CACNA2D3: variants seen among roughly 807,000 people sequenced by gnomAD.
CACNA2D3 encodes calcium voltage-gated channel auxiliary subunit alpha2delta 3, also known as voltage-dependent calcium channel subunit alpha-2/delta-3.
In CACNA2D3, 60 loss-of-function variants were observed where a neutral mutation model predicts 160.6. The observed-to-expected ratio is 0.37, with a 90% CI of 0.30 to 0.46. The LOEUF is 0.46. CACNA2D3 is among the 20% of genes least tolerant of loss of function. The probability of loss-of-function intolerance (pLI) is 1.00; values close to 1 mark genes in which losing one functional copy is unlikely to be tolerated. For missense variants in CACNA2D3, 1,205 were observed against 1,365.0 expected, an observed-to-expected ratio of 0.88 and a Z score of 1.85; for synonymous variants, 558 against 492.9, an observed-to-expected ratio of 1.13 and a Z score of -1.75.
chr3:54,359,027 C>T (rs974239338), intron 3 of CACNA2D3, among the ~76,000 whole-genome samples: 3 of 151,710 alleles, frequency 2.0e-5, no homozygotes, highest in African/African-American at 4.8e-5. Context: ...ATATAAGGTA[C>T]GGGGAGAGAT....
intron 29 of CACNA2D3, among the ~76,000 whole-genome samples, chr3:54,979,521 C>T (rs1015638230): frequency 6.6e-6 from 1 of 152,186 alleles, no homozygotes; most frequent in Non-Finnish European, 1.5e-5. Context: ...GTATAGTTTA[C>T]TCAATTGTTA....
At chr3:54,224,986 G>A (rs73087951) in intron 2 of CACNA2D3, among the ~76,000 whole-genome samples, 48,609 of 146,196 alleles carry the variant, frequency 0.33, 8,569 homozygotes, top group East Asian at 0.58. Context: ...TAAGTTCTAG[G>A]GTACATGCGC....
chr3:54,721,149 C>A (rs1243539843), intron 11 of CACNA2D3, among the ~76,000 whole-genome samples: 2 of 152,000 alleles, frequency 1.3e-5, no homozygotes, highest in African/African-American at 4.8e-5. Context: ...ATTATATTAG[C>A]ACTTTTCCCA....
chr3:54,944,353 A>G (rs1381705270), intron 27 of CACNA2D3, among the ~76,000 whole-genome samples: 2 of 151,600 alleles, frequency 1.3e-5, no homozygotes, highest in Non-Finnish European at 2.9e-5. Context: ...CTACTTTTAA[A>G]TTCATTTGTA....
chr3:54,763,107 G>A (rs34806640), intron 12 of CACNA2D3, among the ~76,000 whole-genome samples: 35,149 of 141,882 alleles, frequency 0.25, 4,525 homozygotes, highest in Admixed American at 0.3. Flanking sequence ...AAAAAAGAAA[G>A]AAAAAGAAAT....
intron 36 of CACNA2D3, 81 bp downstream of exon 36, chr3:55,073,638 T>A: frequency 7.7e-7 from 1 of 1,301,568 alleles, no homozygotes; most frequent in Non-Finnish European, 1.1e-6. Flanking sequence ...GGGGGAGAAA[T>A]ATTAGAGAAG....
rs150139454 is a variant in CACNA2D3 at position 54,479,620 on chromosome 3, C to T, written c.382-23872C>T. On this transcript the variant is annotated intron_variant, in intron 4 of 37. Coordinates refer to ENST00000474759, the MANE Select transcript of CACNA2D3 (RefSeq NM_018398.3). ...GGCAGTGGCTCCCACCTTTTTCTCC[C>T]TCCCTTCTTGGAGACATCAGAAACC... Among the ~76,000 whole-genome samples the T allele has an allele frequency of 5.3e-3, 811 of 152,248 alleles. 1 individual carries two copies. Among genetic ancestry groups the T allele is most frequent in the Non-Finnish European group, 8.8e-3 (596 of 68,018 alleles).
At chr3:54,360,513 C>T (rs566261389) in intron 3 of CACNA2D3, among the ~76,000 whole-genome samples, 1 of 152,268 alleles carries the variant, frequency 6.6e-6, no homozygotes, top group Admixed American at 6.5e-5. Flanking sequence ...TGGCAGGACT[C>T]AGGCTGCAGG....
chr3:54,473,653 C>T (rs1373223667), intron 4 of CACNA2D3, among the ~76,000 whole-genome samples: 2 of 152,118 alleles, frequency 1.3e-5, no homozygotes, highest in East Asian at 1.9e-4. Flanking sequence ...GGACTAATAT[C>T]CAGAATCTAC....
At chr3:54,845,860 C>T (rs1698919986) in intron 16 of CACNA2D3, among the ~76,000 whole-genome samples, 1 of 152,152 alleles carries the variant, frequency 6.6e-6, no homozygotes, top group African/African-American at 2.4e-5. Context: ...TTGCCAGGCT[C>T]CTGTGTAGGC....
intron 2 of CACNA2D3, among the ~76,000 whole-genome samples, chr3:54,163,465 G>C (rs1700388187): frequency 1.3e-5 from 2 of 152,188 alleles, no homozygotes; most frequent in Non-Finnish European, 2.9e-5. Context: ...CAGAAGGAAA[G>C]GGCGATGGTG....
intron 10 of CACNA2D3, among the ~76,000 whole-genome samples, chr3:54,628,793 C>T (rs970189451): frequency 2.6e-5 from 4 of 152,122 alleles, no homozygotes; most frequent in Non-Finnish European, 4.4e-5. Flanking sequence ...GGCATCTCCT[C>T]TCTAGGGCAG....
rs145756758 is a variant in CACNA2D3 at position 54,147,791 on chromosome 3, G to C, written c.204+24197G>C. On this transcript the variant is annotated intron_variant, in intron 2 of 37. Transcript: ENST00000474759. The stretch of plus-strand genomic sequence containing the variant: ...TTCCAAAGGCTTCAGAGGTAGTTAT[G>C]ATGGGAAGATTTTTCTGTTTGTTTG... Among the ~76,000 whole-genome samples, 16 of 152,284 alleles carry C rather than the reference G, an allele frequency of 1.1e-4. No individual in the cohort carries two copies. In the East Asian group the frequency reaches 3.1e-3, roughly 29 times the overall value.
At position 54,626,684 on chromosome 3, in the gene CACNA2D3, CAAAAAAAAAAAAAAA is replaced by C. The variant is rs71096430; in HGVS notation, c.964-1092_964-1078del. 23 of 318,290 alleles carry C rather than the reference CAAAAAAAAAAAAAAA, an allele frequency of 7.2e-5. 1 individual carries two copies. Among genetic ancestry groups the C allele is most frequent in the South Asian group, 2.1e-4 (6 of 29,132 alleles). The allele number at this position is 318,290 out of a possible 1,614,324, so 19.7% of individuals were successfully genotyped here. On this transcript the variant is annotated intron_variant, in intron 9 of 37. Coordinates refer to ENST00000474759, the MANE Select transcript of CACNA2D3 (RefSeq NM_018398.3). ...TAATAAAGGCGCACATGGTTCCAGT[CAAAAAAAAAAAAAAA>C]AAAAAAAAAAGAAAGAAAAAGAAAG...
intron 3 of CACNA2D3, among the ~76,000 whole-genome samples, chr3:54,324,325 A>T (rs189916185): frequency 2.5e-4 from 38 of 152,302 alleles, no homozygotes; most frequent in Middle Eastern, 3.4e-3. Context: ...CTATCACAGA[A>T]AGTCCTATTT....
chr3:55,034,799 A>T (rs1020560695), intron 35 of CACNA2D3, among the ~76,000 whole-genome samples: 2 of 152,128 alleles, frequency 1.3e-5, no homozygotes, highest in African/African-American at 4.8e-5. Flanking sequence ...TCTTTAACCA[A>T]CACCACTTAG....
intron 4 of CACNA2D3, among the ~76,000 whole-genome samples, chr3:54,456,092 A>G (rs1390654564): frequency 2.0e-5 from 3 of 152,212 alleles, no homozygotes; most frequent in Middle Eastern, 6.8e-3. Flanking sequence ...GAAGAATGTC[A>G]TTAGTATTTT....
chr3:54,258,544 A>G (rs1260015980), intron 2 of CACNA2D3, among the ~76,000 whole-genome samples: 8 of 152,198 alleles, frequency 5.3e-5, no homozygotes, highest in Non-Finnish European at 1.2e-4. Context: ...TTTGACTTCA[A>G]CCCAGCTCAT....
intron 2 of CACNA2D3, among the ~76,000 whole-genome samples, chr3:54,225,887 C>A (rs1471589092): frequency 6.6e-6 from 1 of 151,922 alleles, no homozygotes; most frequent in Non-Finnish European, 1.5e-5. Flanking sequence ...ATTGATATTT[C>A]TCCAGAGAGA....
Sources: allele counts gnomAD v4.1 joint callset (sites outside exome capture counted in the v4.1 genomes callset), GRCh38; gene constraint gnomAD v4.1.1; transcripts MANE v1.5; gene names NCBI Gene and HGNC (gene_info 2026-07-23, HGNC 2026-07-21).